Variants in PCBP3 observed in about 807,000 individuals in gnomAD.
PCBP3 encodes the protein poly(rC) binding protein 3.
In PCBP3, 25 loss-of-function variants were observed where a neutral mutation model predicts 52.7. The observed-to-expected ratio is 0.47, with a 90% CI of 0.35 to 0.66. PCBP3 has a LOEUF of 0.66. PCBP3 is among the 30% of genes least tolerant of loss of function. The pLI, the probability that PCBP3 is intolerant of heterozygous loss-of-function variation, is 0.01. For synonymous variants in PCBP3, 162 were observed against 183.0 expected (o/e 0.89, Z 0.93); for missense variants, 391 against 490.3 (o/e 0.80, Z 1.91).
intron 4 of PCBP3, among the ~76,000 whole-genome samples, chr21:45,818,449 C>A (rs1000811270): frequency 6.6e-6 from 1 of 152,172 alleles, no homozygotes; most frequent in African/African-American, 2.4e-5. Flanking sequence ...TCCACTGCCC[C>A]CATGCGCTTC....
Position 45,853,016 on chromosome 21 carries a change from C to G in PCBP3, c.10+2921C>G, listed in dbSNP as rs891129988. Among the ~76,000 whole-genome samples the G allele has an allele frequency of 6.6e-6, 1 of 152,222 alleles. No homozygotes were observed. Among genetic ancestry groups the G allele is most frequent in the African/African-American group, 2.4e-5 (1 of 41,448 alleles). ...GATGCAGAGTGACATGGCGTGTACA[C>G]TTCCCACAGCTGAGACCAGCAGGAG... On this transcript the variant is annotated intron_variant, in intron 5 of 17. Coordinates refer to ENST00000681687, the MANE Select transcript of PCBP3 (RefSeq NM_001384156.1). The surrounding 1 kb of genome is among the most constrained non-coding windows in gnomAD (Gnocchi z 4.6).
rs1476631802 is a variant in PCBP3, at chr21:45,788,168, G to GT, written c.-126+32717dup. 2 of 152,482 alleles carry GT rather than the reference G, an allele frequency of 1.3e-5. No homozygotes were observed. The highest frequency in any genetic ancestry group is 4.8e-5 in the African/African-American group (2 of 41,566). The allele number at this position is 152,482 out of a possible 1,614,324, so 9.4% of individuals were successfully genotyped here. A position where few individuals can be genotyped will look rare whatever the true frequency, so the allele number is the denominator to read the frequency against. On this transcript the variant is annotated intron_variant, in intron 4 of 17. Coordinates refer to ENST00000681687, the MANE Select transcript of PCBP3 (RefSeq NM_001384156.1). This position sits in a 1 kb window ranked among gnomAD's most constrained non-coding sequence, Gnocchi z 4.3. ...CAGTACTGAATTCAAGTAACAAGGTGTCCTGTGAACCCCCCACAGTCAGAT... is the reference window on the plus strand; with the variant it reads ...CAGTACTGAATTCAAGTAACAAGGTGTTCCTGTGAACCCCCCACAGTCAGAT...
At chr21:45,766,475 A>G (rs1255650875) in intron 4 of PCBP3, among the ~76,000 whole-genome samples, 1 of 152,258 alleles carries the variant, frequency 6.6e-6, no homozygotes. Context: ...GCAGGGAGGC[A>G]GCCATCTGCA....
At position 45,735,420 on chromosome 21, in the gene PCBP3, G is replaced by A. The variant is rs943481674; in HGVS notation, c.-171G>A. On this transcript the variant is annotated 5_prime_UTR_variant, in exon 3 of 18. The change creates a new upstream start codon in the 5' untranslated region. Transcript: ENST00000681687. The surrounding 1 kb of genome is among the most constrained non-coding windows in gnomAD (Gnocchi z 4.0). ...TGTCTACAAGAGAGAAGCTCCCCAC[G>A]TGGTTCCGTGTAAGTAGTGCTTCTT... The A allele has an allele frequency of 2.0e-4, 30 of 152,078 alleles. No homozygotes were observed. The highest frequency in any genetic ancestry group is 7.0e-4 in the African/African-American group (29 of 41,394). 9.4% of individuals were successfully genotyped at this position (152,078 alleles called of 1,614,324 possible).
At chr21:45,769,223 G>A (rs1429414591) in intron 4 of PCBP3, among the ~76,000 whole-genome samples, 1 of 152,238 alleles carries the variant, frequency 6.6e-6, no homozygotes, top group Non-Finnish European at 1.5e-5. Flanking sequence ...CATGAGATGG[G>A]TGGGTTTTCC....
Position 45,930,960 on chromosome 21 carries a change from G to A in PCBP3, c.856+115G>A, listed in dbSNP as rs1475450096. 6 of 1,454,078 alleles carry A rather than the reference G, an allele frequency of 4.1e-6. No individual in the cohort carries two copies. In the Admixed American group the frequency reaches 6.1e-5, roughly 15 times the overall value. 90.1% of individuals were successfully genotyped at this position (1,454,078 alleles called of 1,614,324 possible). A position where few individuals can be genotyped will look rare whatever the true frequency, so the allele number is the denominator to read the frequency against. ...CAGTTTCCAGCTTCCATGGGAGGCT[G>A]TGGGCCAGCCTCAGGTGCTGCCAAG... is the stretch of plus-strand genomic sequence containing the variant. On this transcript the variant is annotated intron_variant, in intron 15 of 17. Coordinates refer to ENST00000681687, the MANE Select transcript of PCBP3 (RefSeq NM_001384156.1).
intron 3 of PCBP3, among the ~76,000 whole-genome samples, chr21:45,755,111 G>A (rs547667010): frequency 2.0e-5 from 3 of 152,242 alleles, no homozygotes; most frequent in African/African-American, 7.2e-5. Context: ...CCAGCTCAAA[G>A]TTCCCTCATG....
chr21:45,834,714 C>T (rs1033129133), intron 4 of PCBP3, among the ~76,000 whole-genome samples: 7 of 152,220 alleles, frequency 4.6e-5, no homozygotes, highest in African/African-American at 1.4e-4. Flanking sequence ...AAATCAGAGG[C>T]GTCTCTCAGA....
intron 13 of PCBP3, among the ~76,000 whole-genome samples, chr21:45,926,321 C>T (rs1328267370): frequency 6.6e-6 from 1 of 152,194 alleles, no homozygotes; most frequent in Non-Finnish European, 1.5e-5. Flanking sequence ...AAGCACAGCT[C>T]GTCATTCTAA....
intron 4 of PCBP3, among the ~76,000 whole-genome samples, chr21:45,839,505 C>A (rs916415485): frequency 6.6e-6 from 1 of 152,168 alleles, no homozygotes; most frequent in African/African-American, 2.4e-5. Context: ...AAAAATATTT[C>A]CTGTGTTCTT....
chr21:45,902,727 G>A (rs980005604), intron 9 of PCBP3, among the ~76,000 whole-genome samples: 3 of 152,258 alleles, frequency 2.0e-5, no homozygotes, highest in Admixed American at 6.5e-5. Context: ...TTAGGGTGCT[G>A]GGCAGCCCGC....
Position 45,928,478 on chromosome 21 carries a change from C to T in PCBP3, c.718-1439C>T, listed in dbSNP as rs549963990. ...CTGGGTGAACTCTTAGGGGAGGGCT[C>T]CCAGCTCCTGAGAGGCCAAGTTCAA... On this transcript the variant is annotated intron_variant, in intron 13 of 17. Transcript: ENST00000681687. This position sits in a 1 kb window ranked among gnomAD's most constrained non-coding sequence, Gnocchi z 4.1. Among the ~76,000 whole-genome samples the T allele has an allele frequency of 4.6e-4, 70 of 152,250 alleles. No homozygotes were observed. Among genetic ancestry groups the T allele is most frequent in the African/African-American group, 1.7e-3 (69 of 41,546 alleles).
chr21:45,903,332 C>T (rs2096115953), intron 9 of PCBP3, among the ~76,000 whole-genome samples: 1 of 152,070 alleles, frequency 6.6e-6, no homozygotes. Context: ...ACCTAGGGAC[C>T]GATCAGTAAA....
At position 45,932,836 on chromosome 21, in the gene PCBP3, C is replaced by T. The variant is rs1185049038; in HGVS notation, c.856+1991C>T. Among the ~76,000 whole-genome samples, 563 of 116,134 alleles carry T rather than the reference C, an allele frequency of 4.8e-3. 3 individuals carry two copies. Among genetic ancestry groups the T allele is most frequent in the African/African-American group, 0.017 (531 of 30,428 alleles). The allele number at this position is 116,134 out of a possible 152,430, so 76.2% of individuals were successfully genotyped here. A position where few individuals can be genotyped will look rare whatever the true frequency, so the allele number is the denominator to read the frequency against. On this transcript the variant is annotated intron_variant, in intron 15 of 17. Coordinates refer to ENST00000681687, the MANE Select transcript of PCBP3 (RefSeq NM_001384156.1). ...ATCGGCCATGCTGTCCTGAGATGAA[C>T]GAACACCTGGGCCTTGCCGTCCTGA...
At position 45,788,542 on chromosome 21, in the gene PCBP3, C is replaced by CT; in HGVS notation, c.-126+33096dup. The CT allele has an allele frequency of 6.5e-6, 1 of 152,692 alleles. No individual in the cohort carries two copies. The highest frequency in any genetic ancestry group is 1.5e-5 in the Non-Finnish European group (1 of 68,310). 9.5% of individuals were successfully genotyped at this position (152,692 alleles called of 1,614,324 possible). ...CCTACCTCAGCCCACGCCCTGCCCT[C>CT]TTTTTTCCCACCCCACGGGGCCGAT... On this transcript the variant is annotated intron_variant, in intron 4 of 17. Coordinates refer to ENST00000681687, the MANE Select transcript of PCBP3 (RefSeq NM_001384156.1). The surrounding 1 kb of genome is among the most constrained non-coding windows in gnomAD (Gnocchi z 4.3).
At chr21:45,701,664 A>G (rs6518255) in intron 2 of PCBP3, among the ~76,000 whole-genome samples, 144,533 of 152,320 alleles carry the variant, frequency 0.95, 68,644 homozygotes, top group East Asian at 1. Context: ...AATCTCAAGC[A>G]ATTCTCCTGC....
At chr21:45,841,239 G>A (rs545517202) in intron 4 of PCBP3, among the ~76,000 whole-genome samples, 28 of 151,270 alleles carry the variant, frequency 1.9e-4, no homozygotes, top group African/African-American at 5.5e-4. Context: ...AGCAGGAATC[G>A]CGGTTGTATG....
intron 1 of PCBP3, among the ~76,000 whole-genome samples, chr21:45,647,775 A>G (rs1017471566): frequency 2.6e-5 from 4 of 152,174 alleles, no homozygotes; most frequent in Non-Finnish European, 4.4e-5. Flanking sequence ...CATGGTAGGT[A>G]GAATAATGGC....
Position 45,900,612 on chromosome 21 carries a change from A to T in PCBP3, c.211A>T (p.Met71Leu), listed in dbSNP as rs2096007019. ...CCAGAAAGGAGAAACTGTGAAGAAGATGCGTGAGGAGGTGAGTGTGGTGGG... is the reference window on the plus strand; with the variant it reads ...CCAGAAAGGAGAAACTGTGAAGAAGTTGCGTGAGGAGGTGAGTGTGGTGGG... ...IGKKGETVKK[M>L]REESGARINI... Residue 71 changes from methionine to leucine, a missense_variant, in exon 8 of 18, where the codon ATG becomes TTG. Met to Leu is a conservative substitution (Grantham distance 15, BLOSUM62 2). Coordinates refer to ENST00000681687, the MANE Select transcript of PCBP3 (RefSeq NM_001384156.1). 1.4e-6 allele frequency: 2 copies of T among 1,452,146 alleles called. No homozygotes were observed. The allele number at this position is 1,452,146 out of a possible 1,614,324, so 90.0% of individuals were successfully genotyped here.
Sources: gnomAD v4.1 joint callset for allele counts (sites outside exome capture counted in the v4.1 genomes callset) on GRCh38, gnomAD v4.1.1 for gene constraint, Gnocchi (gnomAD v3.1) non-coding constraint, MANE v1.5 for transcripts, NCBI Gene and HGNC (gene_info 2026-07-23, HGNC 2026-07-21) for gene names.